LARS1: variants seen among roughly 807,000 people sequenced by gnomAD.
LARS1 encodes the protein leucyl-tRNA synthetase 1.
Under a neutral mutation model 162.8 loss-of-function variants are expected in LARS1, and 100 were observed. The observed-to-expected ratio is 0.61, with a 90% CI of 0.52 to 0.73. The LOEUF (loss-of-function observed/expected upper bound fraction) is 0.73. LARS1 is among the 30% of genes least tolerant of loss of function. LARS1 has a pLI of 0.00. For missense variants in LARS1, 1,258 were observed against 1,408.9 expected, an observed-to-expected ratio of 0.89 and a Z score of 1.71; for synonymous variants, 457 against 462.8, an observed-to-expected ratio of 0.99 and a Z score of 0.16.
intron 31 of LARS1, among the ~76,000 whole-genome samples, chr5:146,116,439 A>C (rs1006764664): frequency 3.3e-5 from 5 of 152,162 alleles, no homozygotes; most frequent in Non-Finnish European, 7.3e-5. Flanking sequence ...AACTAGTTCA[A>C]AGAAACCTTA....
At chr5:146,127,475 T>C (rs1344110715) in intron 27 of LARS1, among the ~76,000 whole-genome samples, 1 of 152,070 alleles carries the variant, frequency 6.6e-6, no homozygotes, top group African/African-American at 2.4e-5. Flanking sequence ...TGCCAAAAGA[T>C]ACCACTGTTT....
intron 21 of LARS1, among the ~76,000 whole-genome samples, chr5:146,136,561 A>G (rs897933496): frequency 1.3e-5 from 2 of 151,342 alleles, no homozygotes; most frequent in East Asian, 3.9e-4. Flanking sequence ...GCTCAGTGCA[A>G]CCTCCGCCTC....
rs547770978 is a variant in LARS1, at chr5:146,135,058, G to C, written c.2212+543C>G. Among the ~76,000 whole-genome samples, 108 of 152,140 alleles carry C rather than the reference G, an allele frequency of 7.1e-4. 1 individual carries two copies. Among genetic ancestry groups the C allele is most frequent in the Non-Finnish European group, 6.3e-4 (43 of 68,008 alleles). On this transcript the variant is annotated intron_variant, in intron 22 of 31. Coordinates refer to ENST00000394434, the MANE Select transcript of LARS1 (RefSeq NM_020117.11). ...TTTCACTCTTGTTGCCTAAGCTGGAGTGCAATGCAATCTCAGCCCACTGCA... is the reference window on the plus strand; with the variant it reads ...TTTCACTCTTGTTGCCTAAGCTGGACTGCAATGCAATCTCAGCCCACTGCA...
At chr5:146,131,299 G>C in intron 23 of LARS1, 190 bp from the exon 24 acceptor site, 1 of 411,210 alleles carries the variant, frequency 2.4e-6, no homozygotes, top group East Asian at 3.9e-5. Flanking sequence ...CCATCTTTGC[G>C]TTCCTTAAAA....
At chr5:146,131,708 C>A in intron 23 of LARS1, 1 of 152,184 alleles carries the variant, frequency 6.6e-6, no homozygotes, top group Non-Finnish European at 1.5e-5. Context: ...CCTGGCTGGT[C>A]TCAAACTCCT....
At position 146,161,394 on chromosome 5, in the gene LARS1, C is replaced by T. The variant is rs373746700; in HGVS notation, c.595-908G>A. 1.1e-4 allele frequency among the ~76,000 whole-genome samples: 16 copies of T among 152,156 alleles called. No individual in the cohort carries two copies. The South Asian group carries it at 1.4e-3, about 14-fold the overall frequency. ...TTCACAAAGATTTCTCTGTAGCATG[C>T]GATGCTGTCTGATAGCATTTTACTC... On this transcript the variant is annotated intron_variant, in intron 6 of 31. Coordinates refer to ENST00000394434, the MANE Select transcript of LARS1 (RefSeq NM_020117.11).
chr5:146,152,103 G>A (rs1753319561), intron 13 of LARS1, 101 bp from the exon 14 acceptor site: 1 of 1,213,952 alleles, frequency 8.2e-7, no homozygotes. Flanking sequence ...AGTCATTTCA[G>A]ATTGTATATG....
Position 146,144,334 on chromosome 5 carries a change from G to A in LARS1, c.1671C>T (p.Thr557=). ...CTAAGGTGGCTTCAAAATTCCTCCT[G>A]GTCTCCTCACAGAATCTAGAAAAGA... ...LKNLETFCEE[T]RRNFEATLGW... Residue 557 remains threonine, a synonymous_variant, in exon 18 of 32, where the codon ACC becomes ACT. Coordinates refer to ENST00000394434, the MANE Select transcript of LARS1 (RefSeq NM_020117.11). 6.2e-7 allele frequency: 1 copy of A among 1,613,132 alleles called. No individual in the cohort carries two copies. The highest frequency in any genetic ancestry group is 1.3e-5 in the African/African-American group (1 of 74,958).
chr5:146,152,143 TCA>T (rs1157003898), intron 13 of LARS1, 141 bp from the exon 14 acceptor site: 5 of 888,916 alleles, frequency 5.6e-6, no homozygotes, highest in South Asian at 1.6e-5. Context: ...CATTAAGTAA[TCA>T]CAGAGTGACT....
At chr5:146,149,734 A>C (rs755496116) in intron 14 of LARS1, 35 bp from the exon 15 acceptor site, 2 of 1,453,428 alleles carry the variant, frequency 1.4e-6, no homozygotes, top group African/African-American at 2.8e-5. Context: ...ACCACATATA[A>C]AACAGTTAGA....
At position 146,160,201 on chromosome 5, in the gene LARS1, A is replaced by AT. The variant is rs879531504; in HGVS notation, c.707+172dup. Reference sequence around the variant, plus strand: ...AGGTGCATGCCACCATGCCTGGCTAATTTTTTTTTTTATATAAAGAGATGT... The same window carrying AT: ...AGGTGCATGCCACCATGCCTGGCTAATTTTTTTTTTTTATATAAAGAGATGT... On this transcript the variant is annotated intron_variant, in intron 7 of 31. Coordinates refer to ENST00000394434, the MANE Select transcript of LARS1 (RefSeq NM_020117.11). Among the ~76,000 whole-genome samples, 400 of 148,026 alleles carry AT rather than the reference A, an allele frequency of 2.7e-3. 3 individuals carry two copies. The highest frequency in any genetic ancestry group is 8.8e-3 in the African/African-American group (359 of 40,616).
At chr5:146,126,210 G>A (rs1230112824) in intron 28 of LARS1, among the ~76,000 whole-genome samples, 1 of 152,034 alleles carries the variant, frequency 6.6e-6, no homozygotes, top group East Asian at 1.9e-4. Context: ...GTTCAGTGCA[G>A]CCATTCTAAA....
At position 146,120,412 on chromosome 5, in the gene LARS1, GAAT is replaced by G; in HGVS notation, c.3281_3283del (p.Asp1094_Ser1095delinsAla). 1 of 1,613,236 alleles carries G rather than the reference GAAT, an allele frequency of 6.2e-7. No homozygotes were observed. The highest frequency in any genetic ancestry group is 1.7e-5 in the Admixed American group (1 of 59,912). On this transcript the variant is annotated inframe_deletion, in exon 31 of 32. Transcript: ENST00000394434. ...CATTTTCATTAAACGCCTGATTATG[GAAT>G]CACAGTTATCTCCTTGCCTGATTTC...
chr5:146,154,334 T>G (rs184059423), intron 10 of LARS1, among the ~76,000 whole-genome samples: 2 of 152,178 alleles, frequency 1.3e-5, no homozygotes, highest in Non-Finnish European at 2.9e-5. Flanking sequence ...TGCATACCAC[T>G]GCACCTGATT....
At chr5:146,143,236 A>C in intron 19 of LARS1, 152 bp from the exon 20 acceptor site, 1 of 862,252 alleles carries the variant, frequency 1.2e-6, no homozygotes, top group Non-Finnish European at 1.7e-6. Flanking sequence ...AGAATGAAGA[A>C]TAGATGATGA....
At chr5:146,155,220 ATTGT>A (rs909143993) in intron 10 of LARS1, among the ~76,000 whole-genome samples, 4 of 152,234 alleles carry the variant, frequency 2.6e-5, no homozygotes, top group African/African-American at 9.6e-5. Flanking sequence ...ACACTAATAC[ATTGT>A]TTGTGACATT....
At chr5:146,120,062 TGA>T (rs2126366496) in intron 31 of LARS1, among the ~76,000 whole-genome samples, 1 of 152,278 alleles carries the variant, frequency 6.6e-6, no homozygotes, top group African/African-American at 2.4e-5. Context: ...TGAATATCTC[TGA>T]GAGACAGAAA....
chr5:146,154,903 G>C (rs1426732204), intron 10 of LARS1, among the ~76,000 whole-genome samples: 2 of 151,882 alleles, frequency 1.3e-5, no homozygotes, highest in Non-Finnish European at 2.9e-5. Flanking sequence ...ACTCAAGCTG[G>C]AGTGCAATGG....
chr5:146,143,588 A>C (rs771421035), intron 18 of LARS1, 38 bp from the exon 19 acceptor site: 5 of 1,602,054 alleles, frequency 3.1e-6, no homozygotes, highest in Non-Finnish European at 3.4e-6. Flanking sequence ...AACCTGAGAG[A>C]CATTTCATCT....
Sources: gnomAD v4.1 joint callset for allele counts (sites outside exome capture counted in the v4.1 genomes callset) on GRCh38, gnomAD v4.1.1 for gene constraint, MANE v1.5 for transcripts, NCBI Gene and HGNC (gene_info 2026-07-23, HGNC 2026-07-21) for gene names.